The following THBS3 variants were observed in gnomAD, a reference collection of about 807,000 sequenced individuals.
THBS3 encodes thrombospondin-3.
THBS3 carries 78 observed loss-of-function variants against 118.3 expected under a neutral mutation model. That is an observed-to-expected ratio of 0.66 (90% CI 0.55 to 0.80). The LOEUF is 0.80. Among genes scored for constraint, THBS3 ranks in the 30% least tolerant of loss-of-function variants. The pLI, the probability that THBS3 is intolerant of heterozygous loss-of-function variation, is 0.00. For missense variants in THBS3, 1,057 were observed against 1,247.4 expected, an observed-to-expected ratio of 0.85 and a Z score of 2.30; for synonymous variants, 427 against 475.3, an observed-to-expected ratio of 0.90 and a Z score of 1.32.
At chr1:155,208,651 C>A (rs1670880677), upstream of THBS3, 1 of 817,016 alleles carries the variant, frequency 1.2e-6, no homozygotes, top group South Asian at 2.0e-5. Context: ...GCCTGAGTTC[C>A]CGTCACCTAA....
upstream of THBS3, chr1:155,209,030 G>C: frequency 6.4e-7 from 1 of 1,568,190 alleles, no homozygotes. Flanking sequence ...GTCCCGCTAC[G>C]TGGGCCACCT....
upstream of THBS3, chr1:155,208,716 C>T (rs1571940327): frequency 4.6e-6 from 6 of 1,308,956 alleles, no homozygotes; most frequent in South Asian, 3.2e-5. Flanking sequence ...AGCCCGGCCT[C>T]CGCTCCGGCC....
At chr1:155,201,719 G>A (rs561189899) in intron 10 of THBS3, 150 bp from the exon 11 acceptor site, 1 of 1,024,652 alleles carries the variant, frequency 9.8e-7, no homozygotes, top group Non-Finnish European at 1.4e-6. Context: ...AACCTTTCAG[G>A]GTGGATAACA....
At position 155,197,400 on chromosome 1, in the gene THBS3, T is replaced by G; in HGVS notation, c.2499+63A>C. ...CCCAGTCAAGCAGTGGGGGAGGCCCTGGGGCTGCAGAGGAGAGCTTTGGGA... is the reference window on the plus strand; with the variant it reads ...CCCAGTCAAGCAGTGGGGGAGGCCCGGGGGCTGCAGAGGAGAGCTTTGGGA... On this transcript the variant is annotated intron_variant, in intron 20 of 22. Coordinates refer to ENST00000368378, the MANE Select transcript of THBS3 (RefSeq NM_007112.5). The surrounding 1 kb of genome is among the most constrained non-coding windows in gnomAD (Gnocchi z 5.0). 1 of 1,578,296 alleles carries G rather than the reference T, an allele frequency of 6.3e-7. No homozygotes were observed. The highest frequency in any genetic ancestry group is 1.1e-5 in the South Asian group (1 of 89,226).
Position 155,200,767 on chromosome 1 carries a change from C to T in THBS3, c.1548+130G>A, listed in dbSNP as rs1307016208. The T allele has an allele frequency of 2.5e-5, 39 of 1,577,164 alleles. No individual in the cohort carries two copies. The East Asian group carries it at 3.8e-4, about 15-fold the overall frequency. ...CCACCCAGCCTCCTTGTCCTGGGCA[C>T]GAGGTTTTTGCCTCCCTGATTTGGA... On this transcript the variant is annotated intron_variant, in intron 13 of 22. Coordinates refer to ENST00000368378, the MANE Select transcript of THBS3 (RefSeq NM_007112.5).
In THBS3 at chr1:155,197,341, C is replaced by A; in HGVS notation, c.2499+122G>T. On this transcript the variant is annotated intron_variant, in intron 20 of 22. Transcript: ENST00000368378. This position sits in a 1 kb window ranked among gnomAD's most constrained non-coding sequence, Gnocchi z 5.0. Reference sequence around the variant, plus strand: ...AAAATGCCCTGGGGCCCCAGAGAGCCGGCCTCCAAGCCAGATGTCTGGGTA... The same window carrying A: ...AAAATGCCCTGGGGCCCCAGAGAGCAGGCCTCCAAGCCAGATGTCTGGGTA... 2 of 1,516,296 alleles carry A rather than the reference C, an allele frequency of 1.3e-6. No individual in the cohort carries two copies. Among genetic ancestry groups the A allele is most frequent in the Non-Finnish European group, 1.8e-6 (2 of 1,116,062 alleles). 93.9% of individuals were successfully genotyped at this position (1,516,296 alleles called of 1,614,324 possible). A position where few individuals can be genotyped will look rare whatever the true frequency, so the allele number is the denominator to read the frequency against.
chr1:155,201,172 C>T lies in THBS3; in HGVS notation c.1362G>A (p.Val454=). 6.2e-7 allele frequency: 1 copy of T among 1,614,186 alleles called. No homozygotes were observed. The highest frequency in any genetic ancestry group is 8.5e-7 in the Non-Finnish European group (1 of 1,180,034). The change falls in exon 12 of 23, where the codon GTG becomes GTA. Residue 454 remains valine (V), a synonymous_variant. Transcript: ENST00000368378. The part of the protein sequence containing the change: ...CNVGWAGNGN[V]CGTDTDIDGY... Reference sequence around the variant, plus strand: ...CATCGATGTCTGTGTCAGTCCCACACACGTTCCCATTCCCAGCCCAGCCCA... The same window carrying T: ...CATCGATGTCTGTGTCAGTCCCACATACGTTCCCATTCCCAGCCCAGCCCA...
rs1293758177 is a variant in THBS3 at position 155,198,571 on chromosome 1, T to C, written c.1912A>G (p.Asn638Asp). The C allele has an allele frequency of 1.9e-6, 3 of 1,614,090 alleles. No individual in the cohort carries two copies. The highest frequency in any genetic ancestry group is 2.7e-5 in the African/African-American group (2 of 74,940). ...DGDGHQDTKD[N>D]CPQLPNSSQL... ...GAGCTATTTGGCAGCTGTGGGCAGT[T>C]GTCCTTGGTGTCCTGATGCCCATCC... The change falls in exon 17 of 23, where the codon AAC (asparagine) becomes GAC (aspartate). Residue 638 changes from asparagine (N) to aspartate (D), a missense_variant. This residue lies in a region of THBS3 where 544 missense variants were observed against 715.6 expected (regional missense o/e 0.76). Transcript: ENST00000368378.
Position 155,198,493 on chromosome 1 carries a change from C to T in THBS3, c.1990G>A (p.Asp664Asn). 1 of 1,614,218 alleles carries T rather than the reference C, an allele frequency of 6.2e-7. No individual in the cohort carries two copies. Among genetic ancestry groups the T allele is most frequent in the South Asian group, 1.1e-5 (1 of 91,080 alleles). Residue 664 changes from aspartate (D) to asparagine (N), a missense_variant, in exon 17 of 23, where the codon GAC becomes AAC. By Grantham distance (23) the Asp-to-Asn change is conservative (BLOSUM62 1). This residue lies in a region of THBS3 where 544 missense variants were observed against 715.6 expected (regional missense o/e 0.76). Coordinates refer to ENST00000368378, the MANE Select transcript of THBS3 (RefSeq NM_007112.5). ...GLGDECDGDD[D>N]NDGIPDYVPP... ...ACATAATCTGGGATGCCATCATTGTCATCATCCCCATCACACTCATCTCCA... is the reference window on the plus strand; with the variant it reads ...ACATAATCTGGGATGCCATCATTGTTATCATCCCCATCACACTCATCTCCA...
Position 155,195,797 on chromosome 1 carries a change from CA to C in THBS3, c.*43del. ...GGGTCTCCAGGATGGACCCCAAGGCCAAAGGGTCTAAAATTCTGAATTCTGA... is the reference window on the plus strand; with the variant it reads ...GGGTCTCCAGGATGGACCCCAAGGCCAAGGGTCTAAAATTCTGAATTCTGA... On this transcript the variant is annotated 3_prime_UTR_variant, in exon 23 of 23. Transcript: ENST00000368378. 6.2e-7 allele frequency: 1 copy of C among 1,606,870 alleles called. No individual in the cohort carries two copies.
chr1:155,196,986 GAGGA>G, intron 21 of THBS3, 51 bp downstream of exon 21: 1 of 1,566,174 alleles, frequency 6.4e-7, no homozygotes, highest in Non-Finnish European at 8.7e-7. Flanking sequence ...CCCAGCTAAA[GAGGA>G]AGGACAGGCC....
chr1:155,203,529 T>C lies in THBS3; in HGVS notation c.657A>G (p.Ala219=). The change falls in exon 5 of 23, where the codon GCA becomes GCG. Residue 219 remains alanine (A), a synonymous_variant. Coordinates refer to ENST00000368378, the MANE Select transcript of THBS3 (RefSeq NM_007112.5). ...DESIHSAVTN[A]LHSILGEQTK... ...CCTACTCACCTAGAATGGAGTGCAG[T>C]GCATTGGTCACTGGAGAGGAGAAGA... 1.2e-6 allele frequency: 2 copies of C among 1,613,754 alleles called. No homozygotes were observed. The highest frequency in any genetic ancestry group is 2.2e-5 in the East Asian group (1 of 44,880).
At chr1:155,207,709 T>A in intron 1 of THBS3, 89 bp downstream of exon 1, 1 of 1,371,316 alleles carries the variant, frequency 7.3e-7, no homozygotes, top group Non-Finnish European at 1.0e-6. Flanking sequence ...TCTTCCCCTC[T>A]CCCCTTGCCC....
Position 155,202,549 on chromosome 1 carries a change from C to A in THBS3, c.958-148G>T. 1 of 1,228,242 alleles carries A rather than the reference C, an allele frequency of 8.1e-7. No individual in the cohort carries two copies. Among genetic ancestry groups the A allele is most frequent in the Non-Finnish European group, 1.1e-6 (1 of 903,758 alleles). 76.1% of individuals were successfully genotyped at this position (1,228,242 alleles called of 1,614,324 possible). ...TGTGCTCCTGGTCCCCACCCCACTTCCCTCGGGGTTCCCTCTCTCCCTCCC... is the reference window on the plus strand; with the variant it reads ...TGTGCTCCTGGTCCCCACCCCACTTACCTCGGGGTTCCCTCTCTCCCTCCC... On this transcript the variant is annotated intron_variant, in intron 8 of 22. Coordinates refer to ENST00000368378, the MANE Select transcript of THBS3 (RefSeq NM_007112.5). The surrounding 1 kb of genome is among the most constrained non-coding windows in gnomAD (Gnocchi z 5.5).
chr1:155,198,079 T>A lies in THBS3; in HGVS notation c.2216A>T (p.Asp739Val), dbSNP rs1488302502. The change falls in exon 18 of 23, where the codon GAT becomes GTT. Residue 739 changes from aspartate (D) to valine (V), a missense_variant. Around this residue, in one of 3 missense-constraint regions of THBS3, gnomAD observed 307 missense variants for 326.1 expected, o/e 0.94. Transcript: ENST00000368378. ...YQTVVLDPEG[D>V]AQIDPNWVVL... is the part of the protein sequence containing the mutation. ...AACCCAGTTTGGGTCAATCTGAGCA[T>A]CACCCTCAGGATCCAGGACGACGGT... The A allele has an allele frequency of 1.2e-6, 2 of 1,614,174 alleles. No individual in the cohort carries two copies. Among genetic ancestry groups the A allele is most frequent in the Non-Finnish European group, 1.7e-6 (2 of 1,180,032 alleles).
In THBS3 at chr1:155,199,833, C is replaced by A; in HGVS notation, c.1851G>T (p.Val617=). 1 of 1,614,232 alleles carries A rather than the reference C, an allele frequency of 6.2e-7. No homozygotes were observed. The highest frequency in any genetic ancestry group is 1.1e-5 in the South Asian group (1 of 91,084). Residue 617 remains valine (V), a synonymous_variant, in exon 16 of 23, where the codon GTG becomes GTT. Transcript: ENST00000368378. ...CTTCATTAGTATCACAGACATCCCC[C>A]ACCAGGTCGCTGTCTGCATCTGTCT... ...PTQTDADSDL[V]GDVCDTNEDS... is the part of the protein sequence containing the mutation.
chr1:155,204,066 C>T (rs905289233), intron 4 of THBS3, among the ~76,000 whole-genome samples: 8 of 152,014 alleles, frequency 5.3e-5, no homozygotes, highest in African/African-American at 7.2e-5. Context: ...TCTTGAACTC[C>T]GGACCTTGAG....
rs1557849148 is a variant in THBS3, at chr1:155,195,609, A to AT, written c.*231dup. ...TGGCTTAGAAAACAACCAAAACTTTATGGCAATGTGCTGTCATCTTTCCTG... is the reference window on the plus strand; with the variant it reads ...TGGCTTAGAAAACAACCAAAACTTTATTGGCAATGTGCTGTCATCTTTCCTG... On this transcript the variant is annotated 3_prime_UTR_variant, in exon 23 of 23. Coordinates refer to ENST00000368378, the MANE Select transcript of THBS3 (RefSeq NM_007112.5). 2 of 501,566 alleles carry AT rather than the reference A, an allele frequency of 4.0e-6. No individual in the cohort carries two copies. The highest frequency in any genetic ancestry group is 7.2e-6 in the Non-Finnish European group (2 of 276,562). 31.1% of individuals were successfully genotyped at this position (501,566 alleles called of 1,614,324 possible).
At chr1:155,208,677 CCT>C, upstream of THBS3, 2 of 1,030,276 alleles carry the variant, frequency 1.9e-6, no homozygotes, top group Non-Finnish European at 2.7e-6. Context: ...AGCCTGCGAG[CCT>C]CTCTTCCCCT....
Sources: allele counts gnomAD v4.1 joint callset (sites outside exome capture counted in the v4.1 genomes callset), GRCh38; gene constraint gnomAD v4.1.1; regional missense constraint gnomAD v4.1.1; non-coding constraint Gnocchi (gnomAD v3.1); transcripts MANE v1.5; gene names NCBI Gene and HGNC (gene_info 2026-07-23, HGNC 2026-07-21).